ASB13: variants seen among roughly 807,000 people sequenced by gnomAD.
ASB13 encodes ankyrin repeat and SOCS box containing 13.
A neutral mutation model predicts 28.8 loss-of-function variants in ASB13; 33 were observed. The ratio of observed to expected loss-of-function variants is 1.15; its 90% CI spans 0.87 to 1.53. The LOEUF (loss-of-function observed/expected upper bound fraction) is 1.53. Ranked by LOEUF, ASB13 falls within the 40% of genes most tolerant of loss-of-function variation. The probability of loss-of-function intolerance (pLI) is 0.00; values close to 1 mark genes in which losing one functional copy is unlikely to be tolerated. For synonymous variants in ASB13, 182 were observed against 172.9 expected (o/e 1.05, Z -0.41); for missense variants, 414 against 390.1 (o/e 1.06, Z -0.52).
In ASB13 at chr10:5,659,687, C is replaced by A. The variant is rs1176657828; in HGVS notation, c.44-6637G>T. Among the ~76,000 whole-genome samples the A allele has an allele frequency of 2.0e-5, 3 of 151,972 alleles. No homozygotes were observed. Among genetic ancestry groups the A allele is most frequent in the Non-Finnish European group, 4.4e-5 (3 of 67,990 alleles). On this transcript the variant is annotated intron_variant, in intron 1 of 5. Transcript: ENST00000357700. This position sits in a 1 kb window ranked among gnomAD's most constrained non-coding sequence, Gnocchi z 5.8. ...CCCCCACGCCATCTCCACACTATTG[C>A]CCCACCACCAGCTGATCAGCATTCT... is the stretch of plus-strand genomic sequence containing the variant.
rs1252849992 is a variant in ASB13 at position 5,662,618 on chromosome 10, GAAGAGAAGAGAAGAGAAGA to G, written c.43+3872_43+3890del. The stretch of plus-strand genomic sequence containing the variant: ...GAAGAGAAGAGAAGAGAAGAGAAGA[GAAGAGAAGAGAAGAGAAGA>G]GATGAGATCCTGGATGATTAACACT... On this transcript the variant is annotated intron_variant, in intron 1 of 5. Coordinates refer to ENST00000357700, the MANE Select transcript of ASB13 (RefSeq NM_024701.4). Among the ~76,000 whole-genome samples, 28 of 149,096 alleles carry G rather than the reference GAAGAGAAGAGAAGAGAAGA, an allele frequency of 1.9e-4. 1 individual carries two copies. Among genetic ancestry groups the G allele is most frequent in the South Asian group, 1.3e-3 (6 of 4,590 alleles).
intron 1 of ASB13, among the ~76,000 whole-genome samples, chr10:5,662,734 G>A (rs1835196449): frequency 7.4e-6 from 1 of 134,928 alleles, no homozygotes; most frequent in African/African-American, 2.7e-5. Context: ...TGACGGTAAG[G>A]GAATAAAATG....
At position 5,649,628 on chromosome 10, in the gene ASB13, C is replaced by T. The variant is rs930843947; in HGVS notation, c.383-524G>A. ...ACAACCGCCATCTCCCGGGTTAAAG[C>T]GATTCTCCCACCTCAGCCTCCCAAA... On this transcript the variant is annotated intron_variant, in intron 3 of 5. Transcript: ENST00000357700. This position sits in a 1 kb window ranked among gnomAD's most constrained non-coding sequence, Gnocchi z 6.4. 9.2e-5 allele frequency among the ~76,000 whole-genome samples: 14 copies of T among 151,960 alleles called. No homozygotes were observed. The highest frequency in any genetic ancestry group is 2.9e-4 in the African/African-American group (12 of 41,348).
At chr10:5,666,339 G>C (rs369855835) in intron 1 of ASB13, among the ~76,000 whole-genome samples, 170 bp downstream of exon 1, 2 of 152,134 alleles carry the variant, frequency 1.3e-5, no homozygotes, top group African/African-American at 2.4e-5. Flanking sequence ...TGGGATGCGC[G>C]GCACCACTGG....
rs764267143 is a variant in ASB13 at position 5,649,152 on chromosome 10, G to C, written c.383-48C>G. The C allele has an allele frequency of 3.1e-6, 5 of 1,609,768 alleles. No individual in the cohort carries two copies. In the African/African-American group the frequency reaches 6.7e-5, roughly 21 times the overall value. ...GGGAATGTCCTTGAATACGGACACT[G>C]GAGACAACAAGCACACAGACGCGGC... On this transcript the variant is annotated intron_variant, in intron 3 of 5. Coordinates refer to ENST00000357700, the MANE Select transcript of ASB13 (RefSeq NM_024701.4). The surrounding 1 kb of genome is among the most constrained non-coding windows in gnomAD (Gnocchi z 6.4).
In ASB13 at chr10:5,649,124, G is replaced by T. The variant is rs188480913; in HGVS notation, c.383-20C>A. 85 of 1,613,854 alleles carry T rather than the reference G, an allele frequency of 5.3e-5. No homozygotes were observed. Among genetic ancestry groups the T allele is most frequent in the East Asian group, 1.6e-4 (7 of 44,884 alleles). On this transcript the variant is annotated intron_variant, in intron 3 of 5. Transcript: ENST00000357700. The surrounding 1 kb of genome is among the most constrained non-coding windows in gnomAD (Gnocchi z 6.4). ...AACTCCCTTAAGATAAATGGAAAAG[G>T]GGGGGAATGTCCTTGAATACGGACA...
rs1834809399 is a variant in ASB13, at chr10:5,641,724, G to C, written c.709+46C>G. ...AGGGAGCCGGCACGTCAGGGGTCCA[G>C]GCTGAAGGCTGGAGGGGATGGGGTG... On this transcript the variant is annotated intron_variant, in intron 5 of 5. Transcript: ENST00000357700. The surrounding 1 kb of genome is among the most constrained non-coding windows in gnomAD (Gnocchi z 8.4). 7 of 1,527,524 alleles carry C rather than the reference G, an allele frequency of 4.6e-6. No homozygotes were observed. The highest frequency in any genetic ancestry group is 6.2e-6 in the Non-Finnish European group (7 of 1,130,680). The allele number at this position is 1,527,524 out of a possible 1,614,324, so 94.6% of individuals were successfully genotyped here. A position where few individuals can be genotyped will look rare whatever the true frequency, so the allele number is the denominator to read the frequency against.
chr10:5,651,850 A>G lies in ASB13; in HGVS notation c.232-487T>C, dbSNP rs546460112. Among the ~76,000 whole-genome samples, 5 of 151,982 alleles carry G rather than the reference A, an allele frequency of 3.3e-5. No homozygotes were observed. The East Asian group carries it at 9.7e-4, about 29-fold the overall frequency. ...AACCCTGTCTCTACAAAAAATACAA[A>G]AATTAGCTGGGTTTGGTGGCATGCA... On this transcript the variant is annotated intron_variant, in intron 2 of 5. Transcript: ENST00000357700. This position sits in a 1 kb window ranked among gnomAD's most constrained non-coding sequence, Gnocchi z 5.1.
At position 5,640,599 on chromosome 10, in the gene ASB13, T is replaced by C. The variant is rs1834792691; in HGVS notation, c.*104A>G. On this transcript the variant is annotated 3_prime_UTR_variant, in exon 6 of 6. Transcript: ENST00000357700. ...CAGGAAGGGACTCGAAGGAGCGTTG[T>C]TCTATCTACAGCAATCACGCTGCTT... 4.2e-6 allele frequency: 6 copies of C among 1,445,604 alleles called. No individual in the cohort carries two copies. Among genetic ancestry groups the C allele is most frequent in the Non-Finnish European group, 5.8e-6 (6 of 1,043,468 alleles). The allele number at this position is 1,445,604 out of a possible 1,614,324, so 89.5% of individuals were successfully genotyped here. A position where few individuals can be genotyped will look rare whatever the true frequency, so the allele number is the denominator to read the frequency against.
At position 5,641,912 on chromosome 10, in the gene ASB13, C is replaced by T. The variant is rs2066342145; in HGVS notation, c.567G>A (p.Ala189=). 4 of 1,613,430 alleles carry T rather than the reference C, an allele frequency of 2.5e-6. No individual in the cohort carries two copies. The highest frequency in any genetic ancestry group is 2.5e-6 in the Non-Finnish European group (3 of 1,179,432). Reference sequence around the variant, plus strand: ...TGAGGTCAACATTCTTGACCTTGGCCGCGTGGTGAAGGGCAGTCTCATGAA... The same window carrying T: ...TGAGGTCAACATTCTTGACCTTGGCTGCGTGGTGAAGGGCAGTCTCATGAA... ...AKLHETALHH[A]AKVKNVDLIE... The change falls in exon 5 of 6, where the codon GCG becomes GCA. Residue 189 remains alanine (A), a synonymous_variant. Transcript: ENST00000357700. This position sits in a 1 kb window ranked among gnomAD's most constrained non-coding sequence, Gnocchi z 8.4.
chr10:5,646,873 G>A (rs1834893224), intron 4 of ASB13, among the ~76,000 whole-genome samples: 2 of 152,142 alleles, frequency 1.3e-5, no homozygotes, highest in Admixed American at 6.5e-5. Flanking sequence ...TCATAGAAAC[G>A]GATCCAGCTG....
rs904270356 is a variant in ASB13, at chr10:5,658,578, T to C, written c.44-5528A>G. Among the ~76,000 whole-genome samples, 2 of 152,076 alleles carry C rather than the reference T, an allele frequency of 1.3e-5. No homozygotes were observed. On this transcript the variant is annotated intron_variant, in intron 1 of 5. Transcript: ENST00000357700. The surrounding 1 kb of genome is among the most constrained non-coding windows in gnomAD (Gnocchi z 4.2). ...TGGGGGAGGAGAAATGGGGAGTTAGTGTTTCATGGGGACAGAATTTCAGTT... is the reference window on the plus strand; with the variant it reads ...TGGGGGAGGAGAAATGGGGAGTTAGCGTTTCATGGGGACAGAATTTCAGTT...
chr10:5,640,922 G>C, intron 5 of ASB13, 92 bp from the exon 6 acceptor site: 1 of 1,501,892 alleles, frequency 6.7e-7, no homozygotes, highest in Non-Finnish European at 9.1e-7. Context: ...AATCGGAAAC[G>C]CCTCCCTTTC....
intron 4 of ASB13, among the ~76,000 whole-genome samples, chr10:5,646,621 C>T (rs879307482): frequency 5.6e-4 from 85 of 152,302 alleles, no homozygotes; most frequent in African/African-American, 1.8e-3. Context: ...TCCTGCTCTG[C>T]GTCTCAGCCC....
chr10:5,665,112 C>A (rs1463120438), intron 1 of ASB13, among the ~76,000 whole-genome samples: 1 of 152,226 alleles, frequency 6.6e-6, no homozygotes, highest in African/African-American at 2.4e-5. Flanking sequence ...CTGCCTCGGC[C>A]TCCCAAAGTG....
Position 5,652,804 on chromosome 10 carries a change from A to G in ASB13, c.231+59T>C. On this transcript the variant is annotated intron_variant, in intron 2 of 5. Coordinates refer to ENST00000357700, the MANE Select transcript of ASB13 (RefSeq NM_024701.4). This position sits in a 1 kb window ranked among gnomAD's most constrained non-coding sequence, Gnocchi z 5.0. Reference sequence around the variant, plus strand: ...CTCTTTCCCAAGTTCTCCTGAGTCAACCTCCTCCATTCTGGCAGCTGCAGC... The same window carrying G: ...CTCTTTCCCAAGTTCTCCTGAGTCAGCCTCCTCCATTCTGGCAGCTGCAGC... The G allele has an allele frequency of 6.9e-7, 1 of 1,450,916 alleles. No individual in the cohort carries two copies. The highest frequency in any genetic ancestry group is 9.1e-7 in the Non-Finnish European group (1 of 1,097,080). 89.9% of individuals were successfully genotyped at this position (1,450,916 alleles called of 1,614,324 possible).
In ASB13 at chr10:5,651,454, G is replaced by GAA; in HGVS notation, c.232-92_232-91insTT. ...GCTGCAGGTTCATCTTTGCTAAGAT[G>GAA]CTTCTTAGAAGCACCGGTTTGCTTT... On this transcript the variant is annotated intron_variant, in intron 2 of 5. Transcript: ENST00000357700. The surrounding 1 kb of genome is among the most constrained non-coding windows in gnomAD (Gnocchi z 5.1). 1 of 1,385,148 alleles carries GAA rather than the reference G, an allele frequency of 7.2e-7. No homozygotes were observed. Among genetic ancestry groups the GAA allele is most frequent in the Non-Finnish European group, 9.7e-7 (1 of 1,031,508 alleles). 85.8% of individuals were successfully genotyped at this position (1,385,148 alleles called of 1,614,324 possible).
chr10:5,646,892 A>T (rs1379988196), intron 4 of ASB13, among the ~76,000 whole-genome samples: 1 of 152,224 alleles, frequency 6.6e-6, no homozygotes, highest in East Asian at 1.9e-4. Flanking sequence ...TGCCAGAGGA[A>T]CGGCTCGGCT....
Position 5,640,818 on chromosome 10 carries a change from G to A in ASB13, c.722C>T (p.Thr241Ile). 1 of 1,614,116 alleles carries A rather than the reference G, an allele frequency of 6.2e-7. No individual in the cohort carries two copies. Among genetic ancestry groups the A allele is most frequent in the Admixed American group, 1.7e-5 (1 of 60,028 alleles). The part of the protein sequence containing the change: ...CFEYYEKTPL[T>I]LSQLCRVNLR... ...GTTCACCCTGCAGAGCTGTGACAGA[G>A]TCAGAGGTGTCTCTGAAAAAGGGAG... Residue 241 changes from threonine to isoleucine, a missense_variant, in exon 6 of 6, where the codon ACT becomes ATT. Physicochemically the swap from Thr to Ile is moderately conservative, Grantham distance 89. Coordinates refer to ENST00000357700, the MANE Select transcript of ASB13 (RefSeq NM_024701.4).
Sources: gnomAD v4.1 joint callset for allele counts (sites outside exome capture counted in the v4.1 genomes callset) on GRCh38, gnomAD v4.1.1 for gene constraint, Gnocchi (gnomAD v3.1) non-coding constraint, MANE v1.5 for transcripts, NCBI Gene and HGNC (gene_info 2026-07-23, HGNC 2026-07-21) for gene names.